Variants in UBE4B observed in about 807,000 individuals in gnomAD.
UBE4B encodes ubiquitination factor E4B.
A neutral mutation model predicts 148.1 loss-of-function variants in UBE4B; 27 were observed. The ratio of observed to expected loss-of-function variants is 0.18; its 90% CI spans 0.13 to 0.25. UBE4B has a LOEUF of 0.25. UBE4B is among the 10% of genes least tolerant of loss of function. The pLI, the probability that UBE4B is intolerant of heterozygous loss-of-function variation, is 1.00. For missense variants in UBE4B, 1,170 were observed against 1,662.4 expected (o/e 0.70, Z 5.15); for synonymous variants, 596 against 619.3 (o/e 0.96, Z 0.56).
chr1:10,075,424 A>G (rs1644560823), intron 2 of UBE4B, among the ~76,000 whole-genome samples: 1 of 152,204 alleles, frequency 6.6e-6, no homozygotes, highest in Non-Finnish European at 1.5e-5. Flanking sequence ...CTAACTGGTC[A>G]TCTCATGCCC....
chr1:10,171,592 A>G (rs186489452), intron 25 of UBE4B, among the ~76,000 whole-genome samples: 12 of 152,312 alleles, frequency 7.9e-5, no homozygotes, highest in Admixed American at 1.3e-4. Flanking sequence ...AGAGAGTGAG[A>G]TCCTGTCTCA....
intron 3 of UBE4B, among the ~76,000 whole-genome samples, chr1:10,100,146 T>C (rs898512598): frequency 6.6e-5 from 10 of 151,920 alleles, no homozygotes; most frequent in East Asian, 5.8e-4. Context: ...CCCACCACCA[T>C]GCCCGGCTAA....
At chr1:10,144,211 T>C (rs1645829916) in intron 17 of UBE4B, among the ~76,000 whole-genome samples, 1 of 152,112 alleles carries the variant, frequency 6.6e-6, no homozygotes, top group South Asian at 2.1e-4. Context: ...GAGAAGAGCA[T>C]TGCGAGCAGA....
intron 7 of UBE4B, among the ~76,000 whole-genome samples, chr1:10,110,840 A>G (rs1242237279): frequency 1.3e-5 from 2 of 151,996 alleles, no homozygotes; most frequent in Non-Finnish European, 2.9e-5. Context: ...AGTGGAAAAG[A>G]AATCATTCTG....
chr1:10,175,496 A>C (rs1481462726), intron 25 of UBE4B, among the ~76,000 whole-genome samples: 2 of 106,992 alleles, frequency 1.9e-5, no homozygotes, highest in Non-Finnish European at 3.6e-5. Flanking sequence ...CTAAAAATAC[A>C]AAAAATTAGC....
intron 2 of UBE4B, among the ~76,000 whole-genome samples, chr1:10,094,031 G>T (rs1262610037): frequency 6.6e-6 from 1 of 151,926 alleles, no homozygotes; most frequent in East Asian, 1.9e-4. Context: ...TTCCTTTTCA[G>T]CACCATAGGT....
intron 17 of UBE4B, among the ~76,000 whole-genome samples, chr1:10,142,055 T>A (rs1645791181): frequency 6.6e-6 from 1 of 151,938 alleles, no homozygotes; most frequent in South Asian, 2.1e-4. Flanking sequence ...TTTTTTTTTT[T>A]CTATAAGCTC....
intron 17 of UBE4B, among the ~76,000 whole-genome samples, chr1:10,144,034 G>A (rs1248854120): frequency 6.6e-6 from 1 of 152,196 alleles, no homozygotes; most frequent in Non-Finnish European, 1.5e-5. Flanking sequence ...GCAGCCTCTA[G>A]TATTACACAC....
intron 21 of UBE4B, among the ~76,000 whole-genome samples, chr1:10,156,746 G>A (rs1397772897): frequency 6.6e-6 from 1 of 152,048 alleles, no homozygotes; most frequent in African/African-American, 2.4e-5. Flanking sequence ...TTAAGGAAAG[G>A]TTACTTAATG....
chr1:10,052,290 T>A (rs1191132116), intron 1 of UBE4B, among the ~76,000 whole-genome samples: 1 of 152,142 alleles, frequency 6.6e-6, no homozygotes, highest in Admixed American at 6.6e-5. Flanking sequence ...CAGGCTGGTC[T>A]TGAACTCCTG....
chr1:10,051,658 G>A (rs891672082), intron 1 of UBE4B, among the ~76,000 whole-genome samples: 1 of 152,182 alleles, frequency 6.6e-6, no homozygotes, highest in Non-Finnish European at 1.5e-5. Context: ...CTAAGAGGGT[G>A]AAGGTGGAGT....
rs1646486378 is a variant in UBE4B, at chr1:10,180,172, A to C, written c.*216A>C. The C allele has an allele frequency of 1.7e-6, 1 of 591,958 alleles. No individual in the cohort carries two copies. The highest frequency in any genetic ancestry group is 3.0e-5 in the Admixed American group (1 of 32,822). 36.7% of individuals were successfully genotyped at this position (591,958 alleles called of 1,614,324 possible). ...ATATATTTAAGTGACAAACACGGTC[A>C]AAAGCTTAAGGGACAGGTTTTATGG... On this transcript the variant is annotated 3_prime_UTR_variant, in exon 28 of 28. Coordinates refer to ENST00000343090, the MANE Select transcript of UBE4B (RefSeq NM_001105562.3).
chr1:10,129,321 GTTTC>G, intron 11 of UBE4B, 67 bp from the exon 12 acceptor site: 2 of 1,462,700 alleles, frequency 1.4e-6, no homozygotes, highest in Non-Finnish European at 1.9e-6. Flanking sequence ...AGTTAAAACT[GTTTC>G]TTTATGCTAC....
intron 1 of UBE4B, among the ~76,000 whole-genome samples, chr1:10,043,698 G>A (rs1371099910): frequency 6.6e-6 from 1 of 152,172 alleles, no homozygotes. Flanking sequence ...AAAGTGCTGG[G>A]ATTACAGGCG....
chr1:10,171,564 C>G (rs747791745), intron 25 of UBE4B, among the ~76,000 whole-genome samples: 1 of 152,204 alleles, frequency 6.6e-6, no homozygotes, highest in African/African-American at 2.4e-5. Context: ...ATTGCACCAC[C>G]ACACTCCAGA....
intron 17 of UBE4B, among the ~76,000 whole-genome samples, chr1:10,142,916 T>C (rs1279887099): frequency 2.0e-5 from 3 of 152,170 alleles, no homozygotes. Context: ...GAGACCCGCC[T>C]GGCCAACATG....
intron 1 of UBE4B, among the ~76,000 whole-genome samples, chr1:10,036,349 GA>G (rs1284777248): frequency 6.6e-6 from 1 of 151,856 alleles, no homozygotes; most frequent in Non-Finnish European, 1.5e-5. Context: ...TAAAATAAAT[GA>G]AAAAAATTAA....
chr1:10,129,149 G>A (rs549988745), intron 11 of UBE4B: 44 of 451,570 alleles, frequency 9.7e-5, no homozygotes, highest in Middle Eastern at 1.2e-3. Flanking sequence ...ATCTTTGAGG[G>A]TAAAGCTTGA....
intron 24 of UBE4B, among the ~76,000 whole-genome samples, chr1:10,170,302 A>C (rs1201087165): frequency 6.6e-6 from 1 of 152,212 alleles, no homozygotes; most frequent in Non-Finnish European, 1.5e-5. Context: ...CAGCTTCTCA[A>C]CAGTGAAATA....
Sources: gnomAD v4.1 joint callset for allele counts (sites outside exome capture counted in the v4.1 genomes callset) on GRCh38, gnomAD v4.1.1 for gene constraint, MANE v1.5 for transcripts, NCBI Gene and HGNC (gene_info 2026-07-23, HGNC 2026-07-21) for gene names.